The following TACR2 variants were observed in gnomAD, a reference collection of about 807,000 sequenced individuals.
TACR2 encodes the protein tachykinin receptor 2.
TACR2 carries 24 observed loss-of-function variants against 28.9 expected under a neutral mutation model. The observed-to-expected ratio is 0.83, with a 90% CI of 0.60 to 1.17. TACR2 has a LOEUF of 1.17. Among genes scored for constraint, TACR2 ranks in the 50% most tolerant of loss-of-function variants. The probability of loss-of-function intolerance (pLI) is 0.00; values close to 1 mark genes in which losing one functional copy is unlikely to be tolerated. For missense variants in TACR2, 487 were observed against 524.4 expected, an observed-to-expected ratio of 0.93 and a Z score of 0.70; for synonymous variants, 222 against 212.6, an observed-to-expected ratio of 1.04 and a Z score of -0.38.
Position 69,404,500 on chromosome 10 carries a change from G to A in TACR2, c.*326C>T. ...ACTAGGTAATTTATAAAGAAAAGAG[G>A]TTTATTTGGCTCATGATTCTGGTGG... On this transcript the variant is annotated 3_prime_UTR_variant, in exon 5 of 5. Coordinates refer to ENST00000373306, the MANE Select transcript of TACR2 (RefSeq NM_001057.3). 4.9e-6 allele frequency: 1 copy of A among 203,466 alleles called. No homozygotes were observed. Among genetic ancestry groups the A allele is most frequent in the Non-Finnish European group, 9.8e-6 (1 of 102,392 alleles). The allele number at this position is 203,466 out of a possible 1,614,324, so 12.6% of individuals were successfully genotyped here. A position where few individuals can be genotyped will look rare whatever the true frequency, so the allele number is the denominator to read the frequency against.
At chr10:69,414,085 C>T (rs867053396) in intron 2 of TACR2, among the ~76,000 whole-genome samples, 23 of 152,182 alleles carry the variant, frequency 1.5e-4, no homozygotes, top group Admixed American at 4.6e-4. Flanking sequence ...AGCAATGGCT[C>T]AGTGCCTGGG....
In TACR2 at chr10:69,404,907, C is replaced by T. The variant is rs552993763; in HGVS notation, c.1116G>A (p.Glu372=). 3.6e-5 allele frequency: 58 copies of T among 1,614,066 alleles called. 1 individual carries two copies. In the South Asian group the frequency reaches 6.0e-4, roughly 17 times the overall value. ...DTAPSEATSG[E]AGRPQDGSGL... is the part of the protein sequence containing the mutation. ...CTGATCCATCCTGGGGACGCCCCGC[C>T]TCCCCACTGGTAGCCTCGGAGGGGG... Residue 372 remains glutamate (E), a synonymous_variant, in exon 5 of 5, where the codon GAG becomes GAA. Coordinates refer to ENST00000373306, the MANE Select transcript of TACR2 (RefSeq NM_001057.3).
intron 1 of TACR2, 35 bp downstream of exon 1, chr10:69,415,897 G>C: frequency 6.2e-7 from 1 of 1,601,784 alleles, no homozygotes. Flanking sequence ...GCTCAGTGGG[G>C]AGGCTCCCCC....
intron 2 of TACR2, among the ~76,000 whole-genome samples, chr10:69,410,487 C>A (rs1346658938): frequency 6.6e-6 from 1 of 150,990 alleles, no homozygotes; most frequent in Admixed American, 6.6e-5. Context: ...GGCCACTGCA[C>A]CCTAGCCTGG....
At position 69,415,913 on chromosome 10, in the gene TACR2, T is replaced by C; in HGVS notation, c.392+19A>G. ...CTCAGTGGGGAGGCTCCCCCCAGCT[T>C]CCCCAAGGACCCTCTTGCCTGTCGG... On this transcript the variant is annotated intron_variant, in intron 1 of 4. Transcript: ENST00000373306. The C allele has an allele frequency of 6.2e-7, 1 of 1,606,898 alleles. No homozygotes were observed. Among genetic ancestry groups the C allele is most frequent in the Non-Finnish European group, 8.5e-7 (1 of 1,174,406 alleles).
In TACR2 at chr10:69,416,362, G is replaced by GGCTCCTCT. The variant is rs1564583297; in HGVS notation, c.-47_-40dup. The GGCTCCTCT allele has an allele frequency of 6.5e-7, 1 of 1,539,852 alleles. No homozygotes were observed. Among genetic ancestry groups the GGCTCCTCT allele is most frequent in the South Asian group, 1.3e-5 (1 of 79,086 alleles). ...TCTGGAACAAAGGACCTGGCTCCTC[G>GGCTCCTCT]GCTCCTCTCGGATTTGCTATGAAAG... On this transcript the variant is annotated 5_prime_UTR_variant, in exon 1 of 5. Coordinates refer to ENST00000373306, the MANE Select transcript of TACR2 (RefSeq NM_001057.3).
At chr10:69,407,479 A>T (rs2278746) in intron 3 of TACR2, among the ~76,000 whole-genome samples, 199 bp from the exon 4 acceptor site, 23 of 152,090 alleles carry the variant, frequency 1.5e-4, no homozygotes, top group Admixed American at 2.6e-4. Flanking sequence ...GTGCTCAGGC[A>T]GGTCCCTCTG....
At chr10:69,409,314 T>G (rs1332801046) in intron 2 of TACR2, 3 of 385,740 alleles carry the variant, frequency 7.8e-6, no homozygotes. Flanking sequence ...TCCTTCCATA[T>G]CACATCCTTC....
At position 69,415,124 on chromosome 10, in the gene TACR2, G is replaced by A. The variant is rs1482115316; in HGVS notation, c.408C>T (p.Val136=). 8.1e-6 allele frequency: 13 copies of A among 1,612,038 alleles called. No homozygotes were observed. Among genetic ancestry groups the A allele is most frequent in the South Asian group, 2.2e-5 (2 of 90,990 alleles). ...AIAADRYMAI[V]HPFQPRLSAP... is the part of the protein sequence containing the mutation. Reference sequence around the variant, plus strand: ...CTGAAAGCCGAGGCTGGAAGGGGTGGACGATGGCCATGTACCTGTGAGCAG... The same window carrying A: ...CTGAAAGCCGAGGCTGGAAGGGGTGAACGATGGCCATGTACCTGTGAGCAG... The change falls in exon 2 of 5, where the codon GTC becomes GTT. Residue 136 remains valine (V), a synonymous_variant. Transcript: ENST00000373306.
intron 2 of TACR2, among the ~76,000 whole-genome samples, chr10:69,414,221 C>G (rs901840351): frequency 6.6e-6 from 1 of 152,208 alleles, no homozygotes; most frequent in Non-Finnish European, 1.5e-5. Context: ...TGCCTCCAGC[C>G]TGTGATGCCC....
At position 69,404,620 on chromosome 10, in the gene TACR2, A is replaced by C. The variant is rs907314170; in HGVS notation, c.*206T>G. ...TGGAAGGGAAGTGTTGTGTGCAAAG[A>C]GATCACATGGTGAGAGAGGAAGCAA... On this transcript the variant is annotated 3_prime_UTR_variant, in exon 5 of 5. Coordinates refer to ENST00000373306, the MANE Select transcript of TACR2 (RefSeq NM_001057.3). 2.5e-6 allele frequency: 1 copy of C among 404,366 alleles called. No individual in the cohort carries two copies. The highest frequency in any genetic ancestry group is 4.4e-6 in the Non-Finnish European group (1 of 229,088). 25.0% of individuals were successfully genotyped at this position (404,366 alleles called of 1,614,324 possible). A position where few individuals can be genotyped will look rare whatever the true frequency, so the allele number is the denominator to read the frequency against.
At position 69,404,596 on chromosome 10, in the gene TACR2, G is replaced by A; in HGVS notation, c.*230C>T. ...GCTGCTTCTTGTCATGGTGGAAAGT[G>A]GAAGGGAAGTGTTGTGTGCAAAGAG... is the stretch of plus-strand genomic sequence containing the variant. On this transcript the variant is annotated 3_prime_UTR_variant, in exon 5 of 5. Transcript: ENST00000373306. The A allele has an allele frequency of 2.8e-6, 1 of 361,536 alleles. No individual in the cohort carries two copies. The highest frequency in any genetic ancestry group is 4.9e-6 in the Non-Finnish European group (1 of 202,610). 22.4% of individuals were successfully genotyped at this position (361,536 alleles called of 1,614,324 possible). A position where few individuals can be genotyped will look rare whatever the true frequency, so the allele number is the denominator to read the frequency against.
intron 3 of TACR2, 72 bp from the exon 4 acceptor site, chr10:69,407,352 G>A: frequency 6.8e-7 from 1 of 1,478,736 alleles, no homozygotes; most frequent in Admixed American, 2.3e-5. Flanking sequence ...GGCAGACACA[G>A]AGGACCCCTT....
chr10:69,407,539 C>T (rs1479803199), intron 3 of TACR2, among the ~76,000 whole-genome samples: 1 of 152,224 alleles, frequency 6.6e-6, no homozygotes, highest in Non-Finnish European at 1.5e-5. Flanking sequence ...AAGCCCAGCT[C>T]AATGGCCACT....
At chr10:69,407,332 G>C in intron 3 of TACR2, 52 bp from the exon 4 acceptor site, 1 of 1,546,958 alleles carries the variant, frequency 6.5e-7, no homozygotes, top group Non-Finnish European at 8.7e-7. Context: ...CCCAGCCCCA[G>C]CCCTCCGAGG....
At chr10:69,410,453 C>T (rs550555291) in intron 2 of TACR2, among the ~76,000 whole-genome samples, 13 of 149,378 alleles carry the variant, frequency 8.7e-5, no homozygotes, top group South Asian at 2.1e-4. Context: ...CCCAGGAGAT[C>T]GAGGCTGTAA....
intron 2 of TACR2, among the ~76,000 whole-genome samples, chr10:69,410,980 C>CA (rs1170708823): frequency 6.6e-6 from 1 of 152,180 alleles, no homozygotes; most frequent in East Asian, 1.9e-4. Context: ...CTCAATAAAT[C>CA]ACCCAATATT....
chr10:69,412,870 C>T (rs1480030313), intron 2 of TACR2, among the ~76,000 whole-genome samples: 4 of 152,150 alleles, frequency 2.6e-5, no homozygotes, highest in East Asian at 3.9e-4. Flanking sequence ...TCACTCTTGT[C>T]GCCCAGGCTG....
chr10:69,411,650 G>A (rs1202641348), intron 2 of TACR2, among the ~76,000 whole-genome samples: 2 of 152,072 alleles, frequency 1.3e-5, no homozygotes, highest in African/African-American at 2.4e-5. Flanking sequence ...CACCCAGACC[G>A]GGTAATCTGA....
Sources: gnomAD v4.1 joint callset for allele counts (sites outside exome capture counted in the v4.1 genomes callset) on GRCh38, gnomAD v4.1.1 for gene constraint, MANE v1.5 for transcripts, NCBI Gene and HGNC (gene_info 2026-07-23, HGNC 2026-07-21) for gene names.